The following SVEP1 variants were observed in gnomAD, a reference collection of about 807,000 sequenced individuals.
SVEP1 encodes the protein sushi, von Willebrand factor type A, EGF and pentraxin domain-containing protein 1.
A neutral mutation model predicts 367.3 loss-of-function variants in SVEP1; 164 were observed. That is an observed-to-expected ratio of 0.45 (90% CI 0.39 to 0.51). The LOEUF (loss-of-function observed/expected upper bound fraction) is 0.51, where lower values mean the gene tolerates loss of function less well. SVEP1 is among the 20% of genes least tolerant of loss of function. The pLI is 0.00. For missense variants in SVEP1, 4,117 were observed against 4,425.3 expected, an observed-to-expected ratio of 0.93 and a Z score of 1.98; for synonymous variants, 1,666 against 1,611.6, an observed-to-expected ratio of 1.03 and a Z score of -0.81.
chr9:110,508,760 C>CAAAAAAAAAAAAAA (rs11316319), intron 5 of SVEP1, among the ~76,000 whole-genome samples: 5 of 76,496 alleles, frequency 6.5e-5, no homozygotes, highest in African/African-American at 2.1e-4. Flanking sequence ...GACTCCATCT[C>CAAAAAAAAAAAAAA]AAAAAAAAAA....
At chr9:110,405,251 A>T (rs1034360199) in intron 38 of SVEP1, among the ~76,000 whole-genome samples, 2 of 150,294 alleles carry the variant, frequency 1.3e-5, no homozygotes, top group Non-Finnish European at 2.9e-5. Context: ...AGCATAATTA[A>T]TATGTATTAT....
intron 1 of SVEP1, among the ~76,000 whole-genome samples, chr9:110,555,205 AAGG>A (rs1161588291): frequency 2.0e-5 from 3 of 152,080 alleles, no homozygotes; most frequent in Non-Finnish European, 2.9e-5. Flanking sequence ...TTTTCCTAGA[AAGG>A]AGGAGAAGTG....
intron 3 of SVEP1, among the ~76,000 whole-genome samples, chr9:110,541,595 T>C (rs1209851604): frequency 6.6e-6 from 1 of 152,038 alleles, no homozygotes; most frequent in Non-Finnish European, 1.5e-5. Flanking sequence ...TCATGACAAT[T>C]ATATTATCTC....
At chr9:110,410,404 G>A (rs890782633) in intron 37 of SVEP1, among the ~76,000 whole-genome samples, 12 of 152,236 alleles carry the variant, frequency 7.9e-5, no homozygotes, top group East Asian at 7.7e-4. Flanking sequence ...AAACAGAATT[G>A]TAAAAACTAC....
chr9:110,450,308 G>A, intron 23 of SVEP1, 48 bp from the exon 24 acceptor site: 1 of 1,587,542 alleles, frequency 6.3e-7, no homozygotes, highest in Non-Finnish European at 8.6e-7. Flanking sequence ...TAACTCCCTG[G>A]GAACACTGTA....
At chr9:110,506,644 C>T (rs1443917152) in intron 5 of SVEP1, among the ~76,000 whole-genome samples, 2 of 152,174 alleles carry the variant, frequency 1.3e-5, no homozygotes, top group African/African-American at 4.8e-5. Context: ...TCCGTAGTCT[C>T]CTCTTTAGAG....
intron 35 of SVEP1, among the ~76,000 whole-genome samples, chr9:110,428,351 T>A (rs914382340): frequency 1.3e-5 from 2 of 151,704 alleles, no homozygotes; most frequent in Non-Finnish European, 2.9e-5. Context: ...ATCCTGTTGA[T>A]CATGTTTCTG....
chr9:110,371,785 T>G (rs1277348175), intron 46 of SVEP1, among the ~76,000 whole-genome samples: 2 of 152,234 alleles, frequency 1.3e-5, no homozygotes, highest in African/African-American at 2.4e-5. Context: ...TTTAACTGTC[T>G]CTCAAATCTG....
intron 3 of SVEP1, among the ~76,000 whole-genome samples, chr9:110,521,508 C>T (rs1829875034): frequency 6.6e-6 from 1 of 152,170 alleles, no homozygotes; most frequent in East Asian, 1.9e-4. Context: ...CCTCAAAGGA[C>T]TGTGTACAAA....
chr9:110,391,432 C>T (rs569038412), intron 40 of SVEP1, among the ~76,000 whole-genome samples: 101 of 151,924 alleles, frequency 6.6e-4, no homozygotes, highest in African/African-American at 1.8e-3. Flanking sequence ...CACCACACCC[C>T]GCTAATTTTT....
chr9:110,390,040 A>AGTATATATACAC (rs1827607689), intron 40 of SVEP1, among the ~76,000 whole-genome samples: 1 of 65,922 alleles, frequency 1.5e-5, no homozygotes, highest in African/African-American at 4.0e-5. Flanking sequence ...TATATATATA[A>AGTATATATACAC]GTATATATAC....
Position 110,570,540 on chromosome 9 carries a change from G to A in SVEP1, c.531+8473C>T, listed in dbSNP as rs1830543926. ...CTGTTGTGCAGGCTGGAGTGCAGTG[G>A]CGCAATCTCAGTTCACTGCAACCTC... On this transcript the variant is annotated intron_variant, in intron 1 of 47. Coordinates refer to ENST00000374469, the MANE Select transcript of SVEP1 (RefSeq NM_153366.4). 1.3e-5 allele frequency among the ~76,000 whole-genome samples: 2 copies of A among 151,594 alleles called. 1 individual carries two copies. Among genetic ancestry groups the A allele is most frequent in the South Asian group, 4.2e-4 (2 of 4,770 alleles).
At chr9:110,387,216 T>A in intron 42 of SVEP1, 69 bp downstream of exon 42, 1 of 1,476,162 alleles carries the variant, frequency 6.8e-7, no homozygotes. Flanking sequence ...TTCCTCTATG[T>A]TTTGGATATG....
intron 1 of SVEP1, among the ~76,000 whole-genome samples, chr9:110,550,594 C>T (rs968978984): frequency 3.9e-5 from 6 of 152,090 alleles, no homozygotes; most frequent in African/African-American, 1.4e-4. Context: ...GGAAATTTAA[C>T]AGAACATGTC....
chr9:110,371,185 A>G (rs1035369964), intron 46 of SVEP1, among the ~76,000 whole-genome samples: 5 of 152,186 alleles, frequency 3.3e-5, no homozygotes, highest in Non-Finnish European at 7.4e-5. Context: ...GAAACAAATC[A>G]GGATTAAAAC....
In SVEP1 at chr9:110,514,115, A is replaced by G. The variant is rs767346722; in HGVS notation, c.965-9T>C. ...TGTCCCCGATGGGCAAGCTGTGGGC[A>G]GACAAGCCGGAGAAGTCCATGTTAT... is the stretch of plus-strand genomic sequence containing the variant. On this transcript the variant is annotated splice_polypyrimidine_tract_variant and intron_variant, in intron 3 of 47. Transcript: ENST00000374469. The G allele has an allele frequency of 6.2e-7, 1 of 1,606,200 alleles. No individual in the cohort carries two copies. Among genetic ancestry groups the G allele is most frequent in the Non-Finnish European group, 8.5e-7 (1 of 1,175,878 alleles).
chr9:110,472,741 A>G (rs1338141228), intron 14 of SVEP1, among the ~76,000 whole-genome samples: 1 of 152,198 alleles, frequency 6.6e-6, no homozygotes, highest in East Asian at 1.9e-4. Flanking sequence ...ATTAATATAC[A>G]TAAATAGATC....
intron 15 of SVEP1, 150 bp downstream of exon 15, chr9:110,472,009 G>C: frequency 2.4e-6 from 2 of 831,328 alleles, no homozygotes; most frequent in Non-Finnish European, 3.7e-6. Flanking sequence ...GACAGCAAAA[G>C]ATGACAAGGC....
intron 3 of SVEP1, among the ~76,000 whole-genome samples, chr9:110,539,695 TAAG>T (rs1428131444): frequency 3.3e-5 from 5 of 151,530 alleles, no homozygotes; most frequent in Non-Finnish European, 7.4e-5. Context: ...TATATTTAAA[TAAG>T]AAATGCTTCA....
Sources: allele counts gnomAD v4.1 joint callset (sites outside exome capture counted in the v4.1 genomes callset), GRCh38; gene constraint gnomAD v4.1.1; transcripts MANE v1.5; gene names NCBI Gene and HGNC (gene_info 2026-07-23, HGNC 2026-07-21).